CALN1: variants seen among roughly 807,000 people sequenced by gnomAD.
CALN1 encodes calneuron 1.
CALN1 carries 17 observed loss-of-function variants against 30.6 expected under a neutral mutation model. The observed-to-expected ratio is 0.56, with a 90% CI of 0.38 to 0.83. The LOEUF is 0.83. CALN1 is among the 40% of genes least tolerant of loss of function. The pLI is 0.00. For synonymous variants in CALN1, 156 were observed against 131.4 expected (o/e 1.19, Z -1.28); for missense variants, 291 against 354.9 (o/e 0.82, Z 1.45).
At chr7:72,039,490 G>T (rs1370270468) in intron 4 of CALN1, among the ~76,000 whole-genome samples, 2 of 152,184 alleles carry the variant, frequency 1.3e-5, no homozygotes, top group Admixed American at 6.5e-5. Context: ...GATAATAAAA[G>T]ATTCCGTGCA....
the CALN1 span, among the ~76,000 whole-genome samples, chr7:72,500,927 TACC>T: frequency 6.6e-6 from 1 of 152,116 alleles, no homozygotes; most frequent in Non-Finnish European, 1.5e-5. Flanking sequence ...AAAAGAACAG[TACC>T]TAAATTGTTG....
rs73362966 is a variant in CALN1 at position 72,349,176 on chromosome 7, T to C, written c.119+54075A>G. On this transcript the variant is annotated intron_variant, in intron 2 of 6. Transcript: ENST00000395275. ...AGAGAAAGAATGCTGGCTAAAAAAA[T>C]CTTAAAATCTTTGATGGCAGGTGGG... Among the ~76,000 whole-genome samples the C allele has an allele frequency of 4.4e-3, 676 of 152,218 alleles. 4 individuals carry two copies. Among genetic ancestry groups the C allele is most frequent in the African/African-American group, 0.015 (642 of 41,550 alleles).
chr7:72,194,183 C>T (rs895246760), intron 3 of CALN1, among the ~76,000 whole-genome samples: 3 of 152,164 alleles, frequency 2.0e-5, no homozygotes, highest in South Asian at 2.1e-4. Context: ...AATGTCATTC[C>T]GCAGTGTACA....
At chr7:72,333,990 G>A (rs933048259) in intron 2 of CALN1, among the ~76,000 whole-genome samples, 25 of 152,144 alleles carry the variant, frequency 1.6e-4, no homozygotes, top group African/African-American at 3.6e-4. Flanking sequence ...AAAGTGCCCC[G>A]CACATAGGAT....
chr7:71,893,570 A>C (rs1006422176), intron 5 of CALN1, among the ~76,000 whole-genome samples: 1 of 152,040 alleles, frequency 6.6e-6, no homozygotes, highest in Non-Finnish European at 1.5e-5. Flanking sequence ...GTGCACATGT[A>C]ATCGCAGCTA....
intron 5 of CALN1, among the ~76,000 whole-genome samples, chr7:71,934,471 T>G (rs535083217): frequency 3.9e-5 from 6 of 152,262 alleles, no homozygotes; most frequent in African/African-American, 1.4e-4. Flanking sequence ...TGGCTTCTGG[T>G]GAGACCTCAG....
In CALN1 at chr7:71,799,277, G is replaced by T. The variant is rs367751488; in HGVS notation, c.658+11059C>A. On this transcript the variant is annotated intron_variant, in intron 6 of 6. Coordinates refer to ENST00000395275, the MANE Select transcript of CALN1 (RefSeq NM_031468.4). ...CCCCTTTCACAGATGGAGAAAAGGAGACTCTCAATATTTACCCAAGTGCCT... is the reference window on the plus strand; with the variant it reads ...CCCCTTTCACAGATGGAGAAAAGGATACTCTCAATATTTACCCAAGTGCCT... 1.1e-4 allele frequency among the ~76,000 whole-genome samples: 17 copies of T among 152,226 alleles called. 1 individual carries two copies. In the East Asian group the frequency reaches 1.2e-3, roughly 10 times the overall value.
At chr7:72,045,759 G>A (rs1802424952) in intron 4 of CALN1, among the ~76,000 whole-genome samples, 1 of 152,104 alleles carries the variant, frequency 6.6e-6, no homozygotes, top group African/African-American at 2.4e-5. Context: ...CAACACTTTG[G>A]GAGGCAGAGG....
intron 2 of CALN1, among the ~76,000 whole-genome samples, chr7:72,397,579 G>C (rs933116731): frequency 4.6e-5 from 7 of 152,100 alleles, no homozygotes; most frequent in Admixed American, 3.9e-4. Flanking sequence ...AGGGAGTCAG[G>C]AAATGTGTTC....
the CALN1 span, among the ~76,000 whole-genome samples, chr7:72,484,581 A>G: frequency 3.3e-5 from 5 of 151,746 alleles, no homozygotes; most frequent in African/African-American, 1.2e-4. Flanking sequence ...ATCAATATCC[A>G]GCTGAATAGT....
At chr7:72,269,992 G>A (rs1796864418) in intron 3 of CALN1, among the ~76,000 whole-genome samples, 1 of 152,040 alleles carries the variant, frequency 6.6e-6, no homozygotes, top group Admixed American at 6.6e-5. Flanking sequence ...GAAAACTATT[G>A]TCTTAATGAT....
the CALN1 span, among the ~76,000 whole-genome samples, chr7:72,457,790 C>G: frequency 6.1e-5 from 9 of 148,036 alleles, no homozygotes; most frequent in East Asian, 1.8e-3. Context: ...GGGTCTCACT[C>G]TGTCACCCAG....
intron 5 of CALN1, among the ~76,000 whole-genome samples, chr7:71,988,445 C>G (rs150700613): frequency 1.2e-3 from 187 of 152,214 alleles, no homozygotes; most frequent in African/African-American, 3.5e-3. Flanking sequence ...ATAGCCGGTG[C>G]CCCAAGCCCA....
chr7:72,334,824 G>A (rs928412426), intron 2 of CALN1, among the ~76,000 whole-genome samples: 3 of 152,136 alleles, frequency 2.0e-5, no homozygotes, highest in Non-Finnish European at 4.4e-5. Context: ...CTTCACCATT[G>A]TAGAACAGCT....
chr7:72,094,642 G>T (rs1043418471), intron 4 of CALN1, among the ~76,000 whole-genome samples: 2 of 152,008 alleles, frequency 1.3e-5, no homozygotes, highest in African/African-American at 4.8e-5. Context: ...AATTCAACAC[G>T]GTCAGTGTTA....
At chr7:72,307,556 G>A (rs1483914287) in intron 2 of CALN1, among the ~76,000 whole-genome samples, 2 of 152,166 alleles carry the variant, frequency 1.3e-5, no homozygotes, top group African/African-American at 2.4e-5. Flanking sequence ...CTGTGGCCTC[G>A]CAAAGCTTGC....
chr7:71,829,409 A>G (rs1196745698), intron 5 of CALN1, among the ~76,000 whole-genome samples: 1 of 152,248 alleles, frequency 6.6e-6, no homozygotes. Context: ...AATTGATTAC[A>G]GACTTCTGAC....
Position 71,787,550 on chromosome 7 carries a change from AAAACC to A in CALN1, c.*220_*224del, listed in dbSNP as rs1793045969. ...CTGGCGATTTATTGCATTAGAAAAC[AAAACC>A]ATTAAAGCACTGAAGACAGCCCTTT... On this transcript the variant is annotated 3_prime_UTR_variant, in exon 7 of 7. Transcript: ENST00000395275. The A allele has an allele frequency of 4.2e-6, 2 of 480,584 alleles. No homozygotes were observed. The highest frequency in any genetic ancestry group is 6.4e-5 in the East Asian group (2 of 31,094). 29.8% of individuals were successfully genotyped at this position (480,584 alleles called of 1,614,324 possible).
intron 6 of CALN1, among the ~76,000 whole-genome samples, chr7:71,805,553 A>C (rs1036469243): frequency 6.6e-6 from 1 of 152,126 alleles, no homozygotes; most frequent in Non-Finnish European, 1.5e-5. Flanking sequence ...CTGAGATTGA[A>C]CTGTTCTGCC....
Sources: allele counts gnomAD v4.1 joint callset (sites outside exome capture counted in the v4.1 genomes callset), GRCh38; gene constraint gnomAD v4.1.1; transcripts MANE v1.5; gene names NCBI Gene and HGNC (gene_info 2026-07-23, HGNC 2026-07-21).